The following BACH1 variants were observed in gnomAD, a reference collection of about 807,000 sequenced individuals.
BACH1 encodes the protein transcription regulator protein BACH1.
Under a neutral mutation model 52.9 loss-of-function variants are expected in BACH1, and 35 were observed. That is an observed-to-expected ratio of 0.66 (90% CI 0.51 to 0.88). The LOEUF is 0.88. BACH1 is among the 40% of genes least tolerant of loss of function. The pLI is 0.00. For synonymous variants in BACH1, 321 were observed against 319.6 expected, an observed-to-expected ratio of 1.00 and a Z score of -0.05; for missense variants, 808 against 872.6, an observed-to-expected ratio of 0.93 and a Z score of 0.93.
intron 1 of BACH1, 99 bp downstream of exon 1, chr21:29,299,052 G>C (rs930767511): frequency 1.3e-5 from 2 of 151,916 alleles, no homozygotes; most frequent in African/African-American, 4.9e-5. Flanking sequence ...GTCCAGTGAA[G>C]GCGCGGGCGG....
intron 1 of BACH1, among the ~76,000 whole-genome samples, chr21:29,302,333 G>A (rs981787916): frequency 6.6e-6 from 1 of 152,220 alleles, no homozygotes; most frequent in African/African-American, 2.4e-5. Context: ...TTTCAGGACT[G>A]CAGCTAAAAC....
chr21:29,327,245 G>A lies in BACH1; in HGVS notation c.1421G>A (p.Ser474Asn). 2 of 1,614,168 alleles carry A rather than the reference G, an allele frequency of 1.2e-6. No homozygotes were observed. Among genetic ancestry groups the A allele is most frequent in the Non-Finnish European group, 1.7e-6 (2 of 1,180,046 alleles). The change falls in exon 3 of 5, where the codon AGC becomes AAC. Residue 474 changes from serine (S) to asparagine (N), a missense_variant. Ser to Asn is a conservative substitution (Grantham distance 46). Transcript: ENST00000286800. ...ACTCTGAGTACTGAAGGCTGTTCAA[G>A]CAATTTGGAAATTGGAAACGATGAT... ...ISTLSTEGCS[S>N]NLEIGNDDYV...
chr21:29,342,552 G>T lies in BACH1; in HGVS notation c.1930G>T (p.Ala644Ser), dbSNP rs2089126447. 1.9e-6 allele frequency: 3 copies of T among 1,614,088 alleles called. No homozygotes were observed. The highest frequency in any genetic ancestry group is 1.7e-6 in the Non-Finnish European group (2 of 1,180,052). Residue 644 changes from alanine (A) to serine (S), a missense_variant, in exon 5 of 5, where the codon GCA becomes TCA. Transcript: ENST00000286800. ...ACAGATACTCGCCAAGTACTCAGCT[G>T]CAGATTGCCCACTTTCATTTTTAAT... Reference protein sequence around the residue: ...QIQILAKYSAADCPLSFLISE... With the variant: ...QIQILAKYSASDCPLSFLISE...
chr21:29,348,352 G>T (rs79819940), downstream of BACH1, among the ~76,000 whole-genome samples: 2,544 of 152,154 alleles, frequency 0.017, 74 homozygotes, highest in African/African-American at 0.059. Context: ...AACCACCCTT[G>T]TTTCGAAACA....
At chr21:29,308,665 T>A (rs534253662) in intron 1 of BACH1, among the ~76,000 whole-genome samples, 2 of 152,334 alleles carry the variant, frequency 1.3e-5, no homozygotes, top group South Asian at 4.1e-4. Context: ...CATCAACTAG[T>A]TTTAGGGCTT....
intron 4 of BACH1, among the ~76,000 whole-genome samples, chr21:29,337,714 G>T (rs2089061006): frequency 6.6e-6 from 1 of 152,146 alleles, no homozygotes; most frequent in African/African-American, 2.4e-5. Flanking sequence ...TGGGGGAGTG[G>T]GGAGGGATAG....
intron 1 of BACH1, among the ~76,000 whole-genome samples, chr21:29,305,712 C>T (rs1213901962): frequency 1.3e-5 from 2 of 152,164 alleles, no homozygotes; most frequent in African/African-American, 4.8e-5. Context: ...TCTCTTTTCT[C>T]CCTGTTCCTG....
At chr21:29,318,109 A>G (rs190668185) in intron 1 of BACH1, among the ~76,000 whole-genome samples, 3 of 152,332 alleles carry the variant, frequency 2.0e-5, no homozygotes, top group Admixed American at 1.3e-4. Context: ...ATGGAGTAGA[A>G]AGTATCAGAC....
intron 2 of BACH1, among the ~76,000 whole-genome samples, chr21:29,356,142 A>C (rs1569027982): frequency 6.6e-6 from 1 of 152,248 alleles, no homozygotes; most frequent in Non-Finnish European, 1.5e-5. Context: ...TTCCTGTAGC[A>C]GTAGCCATTC....
At chr21:29,338,245 G>C (rs1321176589) in intron 4 of BACH1, among the ~76,000 whole-genome samples, 1 of 152,186 alleles carries the variant, frequency 6.6e-6, no homozygotes, top group Non-Finnish European at 1.5e-5. Context: ...AACAAATTGA[G>C]CAGAATTTGA....
At chr21:29,349,051 G>A (rs559738944), downstream of BACH1, among the ~76,000 whole-genome samples, 2 of 150,850 alleles carry the variant, frequency 1.3e-5, no homozygotes, top group South Asian at 2.1e-4. Context: ...CCGAGATAGC[G>A]CCACTGCTAT....
At chr21:29,314,062 G>T (rs926581801) in intron 1 of BACH1, among the ~76,000 whole-genome samples, 4 of 152,116 alleles carry the variant, frequency 2.6e-5, no homozygotes, top group Non-Finnish European at 4.4e-5. Context: ...TATTGATGTG[G>T]ACCAATTCTA....
chr21:29,337,189 T>TATAA (rs2089055200), intron 4 of BACH1, among the ~76,000 whole-genome samples: 1 of 152,222 alleles, frequency 6.6e-6, no homozygotes, highest in Non-Finnish European at 1.5e-5. Context: ...TTTTAACCTC[T>TATAA]ATTGTTTCAA....
rs1162340866 is a variant in BACH1 at position 29,326,979 on chromosome 21, T to C, written c.1155T>C (p.Asp385=). 6 of 1,614,062 alleles carry C rather than the reference T, an allele frequency of 3.7e-6. No homozygotes were observed. The highest frequency in any genetic ancestry group is 1.1e-5 in the South Asian group (1 of 91,088). ...AAGATAGTAGTGTTGCATCTAGTGA[T>C]AGGAGTAGTGTGGAGCGAGAAGTGG... The part of the protein sequence containing the change: ...TREDSSVASS[D]RSSVEREVAE... Residue 385 remains aspartate (D), a synonymous_variant, in exon 3 of 5, where the codon GAT becomes GAC. Coordinates refer to ENST00000286800, the MANE Select transcript of BACH1 (RefSeq NM_001186.4).
chr21:29,357,668 A>G (rs1218490014), intron 2 of BACH1, among the ~76,000 whole-genome samples: 1 of 152,146 alleles, frequency 6.6e-6, no homozygotes, highest in Non-Finnish European at 1.5e-5. Flanking sequence ...TCGCTACTAC[A>G]TCAATTTCCT....
At chr21:29,347,633 C>A (rs1401224108), downstream of BACH1, among the ~76,000 whole-genome samples, 1 of 152,174 alleles carries the variant, frequency 6.6e-6, no homozygotes, top group African/African-American at 2.4e-5. Flanking sequence ...GAGGGCAGAC[C>A]TCCTCTCACC....
chr21:29,301,407 A>G (rs958279588), intron 1 of BACH1, among the ~76,000 whole-genome samples: 9 of 152,222 alleles, frequency 5.9e-5, no homozygotes, highest in African/African-American at 2.2e-4. Context: ...CATTCTTTCA[A>G]CAACCGGAAT....
At chr21:29,341,409 T>C (rs2089111304) in intron 4 of BACH1, among the ~76,000 whole-genome samples, 1 of 152,224 alleles carries the variant, frequency 6.6e-6, no homozygotes, top group Non-Finnish European at 1.5e-5. Context: ...TTTACTCTTT[T>C]CTTATAAATA....
At position 29,326,660 on chromosome 21, in the gene BACH1, G is replaced by A. The variant is rs2088915505; in HGVS notation, c.836G>A (p.Cys279Tyr). ...AGAGATTTGCAGGTGATGTTAAAAT[G>A]TGACGAAAGTAAATTAGCAATGGAA... ...ECRDLQVMLK[C>Y]DESKLAMEPE... is the part of the protein sequence containing the mutation. The change falls in exon 3 of 5, where the codon TGT becomes TAT. Residue 279 changes from cysteine (C) to tyrosine (Y), a missense_variant. By Grantham distance (194) the Cys-to-Tyr change is radical. Transcript: ENST00000286800. The A allele has an allele frequency of 6.2e-7, 1 of 1,614,052 alleles. No individual in the cohort carries two copies. Among genetic ancestry groups the A allele is most frequent in the African/African-American group, 1.3e-5 (1 of 74,908 alleles).
Sources: gnomAD v4.1 joint callset for allele counts (sites outside exome capture counted in the v4.1 genomes callset) on GRCh38, gnomAD v4.1.1 for gene constraint, MANE v1.5 for transcripts, NCBI Gene and HGNC (gene_info 2026-07-23, HGNC 2026-07-21) for gene names.